The following ELOVL6 variants were observed in gnomAD, a reference collection of about 807,000 sequenced individuals.
ELOVL6 encodes very long chain fatty acid elongase 6.
Under a neutral mutation model 31.7 loss-of-function variants are expected in ELOVL6, and 8 were observed. The observed-to-expected ratio is 0.25, with a 90% CI of 0.15 to 0.45. ELOVL6 has a LOEUF of 0.45. ELOVL6 is among the 20% of genes least tolerant of loss of function. The pLI, the probability that ELOVL6 is intolerant of heterozygous loss-of-function variation, is 1.00. For synonymous variants in ELOVL6, 101 were observed against 117.7 expected (o/e 0.86, Z 0.92); for missense variants, 126 against 326.4 (o/e 0.39, Z 4.73).
At chr4:110,136,390 G>A (rs185265285) in intron 1 of ELOVL6, among the ~76,000 whole-genome samples, 48 of 152,164 alleles carry the variant, frequency 3.2e-4, no homozygotes, top group Admixed American at 2.7e-3. Flanking sequence ...TATATTGAAC[G>A]CCTTATTTAA....
intron 1 of ELOVL6, among the ~76,000 whole-genome samples, chr4:110,127,289 C>A (rs1463641887): frequency 1.3e-5 from 2 of 151,058 alleles, no homozygotes; most frequent in Admixed American, 6.7e-5. Context: ...CACCTGTAAA[C>A]CCAGCTAGGC....
chr4:110,093,763 C>T (rs945837345), intron 2 of ELOVL6, among the ~76,000 whole-genome samples: 10 of 151,782 alleles, frequency 6.6e-5, no homozygotes, highest in African/African-American at 7.3e-5. Flanking sequence ...TGCAGTGGGA[C>T]GAGACAGATA....
chr4:110,161,696 AT>A (rs1560851285), intron 1 of ELOVL6, among the ~76,000 whole-genome samples: 3 of 152,216 alleles, frequency 2.0e-5, no homozygotes, highest in African/African-American at 7.2e-5. Context: ...GAAACTACGT[AT>A]GTTAGATAAG....
chr4:110,198,394 G>A lies in ELOVL6; in HGVS notation c.-59C>T. The stretch of plus-strand genomic sequence containing the variant: ...TATACAAAATAAAATAATCTGTAAA[G>A]CGCTTGATTTCGAGTGTTCTCCTGT... On this transcript the variant is annotated 5_prime_UTR_variant, in exon 1 of 4. Coordinates refer to ENST00000302274, the MANE Select transcript of ELOVL6 (RefSeq NM_024090.3). The A allele has an allele frequency of 9.2e-7, 1 of 1,089,548 alleles. No homozygotes were observed. The highest frequency in any genetic ancestry group is 1.4e-5 in the South Asian group (1 of 72,800). The allele number at this position is 1,089,548 out of a possible 1,614,324, so 67.5% of individuals were successfully genotyped here.
rs1169739806 is a variant in ELOVL6, at chr4:110,198,525, C to T, written c.-190G>A. 3 of 540,914 alleles carry T rather than the reference C, an allele frequency of 5.5e-6. No individual in the cohort carries two copies. The highest frequency in any genetic ancestry group is 9.8e-6 in the Non-Finnish European group (3 of 307,042). The allele number at this position is 540,914 out of a possible 1,614,324, so 33.5% of individuals were successfully genotyped here. ...TACATCCAGGGCTGAGCATTGCCTG[C>T]GCCTCCGCTCCCAGCTCCTCTCTCT... On this transcript the variant is annotated 5_prime_UTR_variant, in exon 1 of 4. Transcript: ENST00000302274.
chr4:110,157,646 G>A (rs941903284), intron 1 of ELOVL6, among the ~76,000 whole-genome samples: 1 of 151,950 alleles, frequency 6.6e-6, no homozygotes, highest in Non-Finnish European at 1.5e-5. Flanking sequence ...ACTCCAGCCT[G>A]GGTGAAAGAG....
At chr4:110,102,209 T>C (rs1048185730) in intron 2 of ELOVL6, among the ~76,000 whole-genome samples, 3 of 152,238 alleles carry the variant, frequency 2.0e-5, no homozygotes, top group East Asian at 3.8e-4. Context: ...TTTTTCTATA[T>C]AGTTCTGGAT....
chr4:110,197,827 C>G (rs1056708133), intron 1 of ELOVL6: 15 of 206,474 alleles, frequency 7.3e-5, no homozygotes, highest in Non-Finnish European at 6.0e-5. Context: ...ACAAGGTCCT[C>G]CCTCCACTGC....
At chr4:110,170,753 G>C (rs1758919017) in intron 1 of ELOVL6, among the ~76,000 whole-genome samples, 1 of 152,140 alleles carries the variant, frequency 6.6e-6, no homozygotes, top group Non-Finnish European at 1.5e-5. Flanking sequence ...TTGACTGCAA[G>C]CTCAATGTCA....
At chr4:110,070,948 A>G (rs987136010) in intron 2 of ELOVL6, among the ~76,000 whole-genome samples, 1 of 152,220 alleles carries the variant, frequency 6.6e-6, no homozygotes, top group Admixed American at 6.5e-5. Flanking sequence ...AATAAAGATA[A>G]TTAATGCAAA....
rs1272254354 is a variant in ELOVL6, at chr4:110,084,034, G to C, written c.221+21463C>G. ...ATGGTATATAACATATGCCATATAT[G>C]GTATATAACACATGCTATATATGAT... On this transcript the variant is annotated intron_variant, in intron 2 of 3. Coordinates refer to ENST00000302274, the MANE Select transcript of ELOVL6 (RefSeq NM_024090.3). Among the ~76,000 whole-genome samples the C allele has an allele frequency of 6.5e-4, 6 of 9,204 alleles. 2 individuals are homozygous for C. The highest frequency in any genetic ancestry group is 3.9e-3 in the East Asian group (1 of 258). 6.0% of individuals were successfully genotyped at this position (9,204 alleles called of 152,430 possible).
intron 1 of ELOVL6, among the ~76,000 whole-genome samples, chr4:110,156,630 G>A (rs377216444): frequency 1.3e-4 from 20 of 152,276 alleles, no homozygotes; most frequent in African/African-American, 4.8e-4. Context: ...AGGCTCCAGT[G>A]AGCTAGGATT....
intron 1 of ELOVL6, among the ~76,000 whole-genome samples, chr4:110,113,276 A>G (rs1322267066): frequency 6.6e-6 from 1 of 150,856 alleles, no homozygotes; most frequent in Non-Finnish European, 1.5e-5. Flanking sequence ...CCAAGTCAAA[A>G]CCTGGCAGAA....
intron 1 of ELOVL6, among the ~76,000 whole-genome samples, chr4:110,112,196 G>A (rs1271065856): frequency 6.6e-6 from 1 of 152,148 alleles, no homozygotes; most frequent in African/African-American, 2.4e-5. Context: ...AACTTGGTAT[G>A]CATTATTTCT....
At position 110,170,130 on chromosome 4, in the gene ELOVL6, A is replaced by G. The variant is rs1484315900; in HGVS notation, c.89+28117T>C. 2.6e-5 allele frequency among the ~76,000 whole-genome samples: 4 copies of G among 152,012 alleles called. No homozygotes were observed. The East Asian group carries it at 5.8e-4, about 22-fold the overall frequency. The stretch of plus-strand genomic sequence containing the variant: ...GAGCCCAGCCTATATTTTGTTTTCT[A>G]TATTTATTAGATTTATAAATTTTTT... On this transcript the variant is annotated intron_variant, in intron 1 of 3. Transcript: ENST00000302274.
At chr4:110,196,421 ACC>A (rs1759786504) in intron 1 of ELOVL6, among the ~76,000 whole-genome samples, 1 of 151,974 alleles carries the variant, frequency 6.6e-6, no homozygotes, top group African/African-American at 2.4e-5. Flanking sequence ...GGCTCCGGCC[ACC>A]GCCCCCTCCC....
chr4:110,192,643 A>T (rs1759657271), intron 1 of ELOVL6, among the ~76,000 whole-genome samples: 1 of 152,228 alleles, frequency 6.6e-6, no homozygotes, highest in Non-Finnish European at 1.5e-5. Flanking sequence ...AATCCTAAAC[A>T]AGAATTGCAT....
intron 1 of ELOVL6, among the ~76,000 whole-genome samples, chr4:110,158,767 T>C (rs747380727): frequency 1.3e-5 from 2 of 150,360 alleles, no homozygotes; most frequent in Admixed American, 6.7e-5. Flanking sequence ...TTCAAGGGAT[T>C]CTCCTGCCTC....
intron 2 of ELOVL6, among the ~76,000 whole-genome samples, chr4:110,064,118 A>G (rs1755228694): frequency 6.6e-6 from 1 of 151,884 alleles, no homozygotes; most frequent in Non-Finnish European, 1.5e-5. Flanking sequence ...AAAAAGAAAT[A>G]TACCATACAT....
Sources: gnomAD v4.1 joint callset for allele counts (sites outside exome capture counted in the v4.1 genomes callset) on GRCh38, gnomAD v4.1.1 for gene constraint, MANE v1.5 for transcripts, NCBI Gene and HGNC (gene_info 2026-07-23, HGNC 2026-07-21) for gene names.